Variants in FHL5 observed in about 807,000 individuals in gnomAD.
FHL5 encodes four and a half LIM domains protein 5.
In FHL5, 33 loss-of-function variants were observed where a neutral mutation model predicts 32.0. That is an observed-to-expected ratio of 1.03 (90% CI 0.78 to 1.38). The LOEUF is 1.38. FHL5 is among the 40% of genes most tolerant of loss of function. The probability of loss-of-function intolerance (pLI) is 0.00; values close to 1 mark genes in which losing one functional copy is unlikely to be tolerated. For synonymous variants in FHL5, 114 were observed against 113.6 expected, an observed-to-expected ratio of 1.00 and a Z score of -0.02; for missense variants, 336 against 343.9, an observed-to-expected ratio of 0.98 and a Z score of 0.18.
At chr6:96,566,236 A>G (rs1770354916) in intron 1 of FHL5, among the ~76,000 whole-genome samples, 1 of 152,084 alleles carries the variant, frequency 6.6e-6, no homozygotes, top group East Asian at 1.9e-4. Flanking sequence ...CTTCATATTC[A>G]TGAGGACATG....
At chr6:96,600,977 G>C (rs538928217) in intron 1 of FHL5, among the ~76,000 whole-genome samples, 1 of 152,272 alleles carries the variant, frequency 6.6e-6, no homozygotes, top group African/African-American at 2.4e-5. Context: ...GACTGATTCT[G>C]TTCTCACCCT....
chr6:96,583,377 A>G (rs750116724), intron 1 of FHL5, among the ~76,000 whole-genome samples: 9 of 152,156 alleles, frequency 5.9e-5, no homozygotes, highest in Admixed American at 2.0e-4. Flanking sequence ...TGGAGGATTT[A>G]ATTTTCTCAT....
At chr6:96,591,145 G>A (rs568905527) in intron 1 of FHL5, among the ~76,000 whole-genome samples, 1 of 152,076 alleles carries the variant, frequency 6.6e-6, no homozygotes, top group Non-Finnish European at 1.5e-5. Flanking sequence ...GTTTGTGTGA[G>A]ATTGCTGTTA....
intron 4 of FHL5, among the ~76,000 whole-genome samples, chr6:96,608,796 C>T (rs563692853): frequency 7.2e-4 from 109 of 152,306 alleles, no homozygotes; most frequent in Non-Finnish European, 1.4e-3. Context: ...CTTTATCTTA[C>T]CTTCCTACCT....
chr6:96,594,266 TATATA>T lies in FHL5; in HGVS notation c.-12-9335_-12-9331del, dbSNP rs1562059726. 2.0e-3 allele frequency among the ~76,000 whole-genome samples: 185 copies of T among 92,568 alleles called. 1 individual carries two copies. Among genetic ancestry groups the T allele is most frequent in the Middle Eastern group, 0.013 (2 of 154 alleles). The allele number at this position is 92,568 out of a possible 152,430, so 60.7% of individuals were successfully genotyped here. A position where few individuals can be genotyped will look rare whatever the true frequency, so the allele number is the denominator to read the frequency against. ...ATATATATATATATATATATATATA[TATATA>T]TATGTATGTATGTATTTACTTCTTG... On this transcript the variant is annotated intron_variant, in intron 1 of 5. Coordinates refer to ENST00000450218, the MANE Select transcript of FHL5 (RefSeq NM_001322466.2).
chr6:96,575,028 G>C (rs1358578087), intron 1 of FHL5, among the ~76,000 whole-genome samples: 1 of 152,180 alleles, frequency 6.6e-6, no homozygotes, highest in African/African-American at 2.4e-5. Flanking sequence ...TTCAGTGAAG[G>C]TAGTTGGCAT....
At chr6:96,565,197 A>G (rs1770330427) in intron 1 of FHL5, among the ~76,000 whole-genome samples, 1 of 152,182 alleles carries the variant, frequency 6.6e-6, no homozygotes, top group African/African-American at 2.4e-5. Flanking sequence ...ATATGTCTAA[A>G]CTTTCACATG....
chr6:96,591,482 T>C (rs933074183), intron 1 of FHL5, among the ~76,000 whole-genome samples: 10 of 152,158 alleles, frequency 6.6e-5, no homozygotes, highest in African/African-American at 2.4e-4. Flanking sequence ...TTTGGTATTA[T>C]TTTAACGTGG....
intron 1 of FHL5, among the ~76,000 whole-genome samples, chr6:96,592,149 A>C (rs1438047200): frequency 6.6e-6 from 1 of 152,082 alleles, no homozygotes; most frequent in East Asian, 1.9e-4. Context: ...ATTAGGTGGG[A>C]ATTTTCTCGT....
At chr6:96,608,053 G>T (rs1057165578) in intron 4 of FHL5, among the ~76,000 whole-genome samples, 2 of 151,992 alleles carry the variant, frequency 1.3e-5, no homozygotes, top group Non-Finnish European at 2.9e-5. Flanking sequence ...AAATGAATAG[G>T]TTTATCTCAC....
At chr6:96,603,544 A>G in intron 1 of FHL5, 58 bp from the exon 2 acceptor site, 1 of 1,271,504 alleles carries the variant, frequency 7.9e-7, no homozygotes, top group Non-Finnish European at 1.1e-6. Flanking sequence ...AGGTTTCATC[A>G]TTTATCCTAT....
chr6:96,567,009 AT>A (rs1770373021), intron 1 of FHL5, among the ~76,000 whole-genome samples: 2 of 151,640 alleles, frequency 1.3e-5, no homozygotes, highest in Non-Finnish European at 3.0e-5. Context: ...TCATTTGTCT[AT>A]TTTTGCTTTG....
chr6:96,615,619 T>C lies in FHL5; in HGVS notation c.702T>C (p.Gly234=). 6.2e-7 allele frequency: 1 copy of C among 1,607,626 alleles called. No individual in the cohort carries two copies. Among genetic ancestry groups the C allele is most frequent in the Non-Finnish European group, 8.5e-7 (1 of 1,177,142 alleles). ...CCAATTCCTTTACAGGTCTCACAGG[T>C]GCCAAGTTTATCTGCTTTCAAGACA... ...ACSKPISGLT[G]AKFICFQDSQ... Residue 234 remains glycine, a synonymous_variant, in exon 6 of 6, where the codon GGT becomes GGC. Transcript: ENST00000450218.
chr6:96,610,244 C>T (rs750408437), intron 4 of FHL5, among the ~76,000 whole-genome samples: 6 of 152,118 alleles, frequency 3.9e-5, no homozygotes, highest in Admixed American at 6.5e-5. Flanking sequence ...CTTCCTGAGT[C>T]CAATATGGCC....
chr6:96,615,696 T>C lies in FHL5; in HGVS notation c.779T>C (p.Val260Ala), dbSNP rs774452126. 1.9e-6 allele frequency: 3 copies of C among 1,613,264 alleles called. No homozygotes were observed. The highest frequency in any genetic ancestry group is 1.1e-5 in the South Asian group (1 of 90,826). Residue 260 changes from valine to alanine, a missense_variant, in exon 6 of 6, where the codon GTG becomes GCG. By Grantham distance (64) the Val-to-Ala change is moderately conservative (BLOSUM62 0). Coordinates refer to ENST00000450218, the MANE Select transcript of FHL5 (RefSeq NM_001322466.2). ...FNCGKCSVSL[V>A]GKGFLTQNKE... ...TGCGGGAAATGCTCTGTCTCCTTGG[T>C]GGGTAAAGGCTTCCTGACCCAGAAC... is the stretch of plus-strand genomic sequence containing the variant.
intron 1 of FHL5, among the ~76,000 whole-genome samples, chr6:96,578,566 G>A (rs978106638): frequency 2.0e-5 from 3 of 152,118 alleles, no homozygotes; most frequent in Non-Finnish European, 4.4e-5. Flanking sequence ...TTGGCACCAC[G>A]CACAGTGGCT....
chr6:96,569,409 T>C (rs1399852984), intron 1 of FHL5, among the ~76,000 whole-genome samples: 1 of 152,112 alleles, frequency 6.6e-6, no homozygotes, highest in Non-Finnish European at 1.5e-5. Context: ...ATTTTGCAGC[T>C]GTTGAATGAA....
At chr6:96,563,601 G>A (rs1025401896) in intron 1 of FHL5, among the ~76,000 whole-genome samples, 3 of 152,068 alleles carry the variant, frequency 2.0e-5, no homozygotes, top group Admixed American at 6.6e-5. Context: ...TAACATAGGG[G>A]CCAGATAACT....
chr6:96,569,481 T>A (rs1255020994), intron 1 of FHL5, among the ~76,000 whole-genome samples: 2 of 152,104 alleles, frequency 1.3e-5, no homozygotes, highest in Non-Finnish European at 2.9e-5. Flanking sequence ...TAAATGTTTC[T>A]TTGTTAATTT....
Sources: allele counts gnomAD v4.1 joint callset (sites outside exome capture counted in the v4.1 genomes callset), GRCh38; gene constraint gnomAD v4.1.1; transcripts MANE v1.5; gene names NCBI Gene and HGNC (gene_info 2026-07-23, HGNC 2026-07-21).